ROBO2: variants seen among roughly 807,000 people sequenced by gnomAD.
ROBO2 encodes roundabout guidance receptor 2, also known as roundabout homolog 2.
ROBO2 carries 53 observed loss-of-function variants against 160.8 expected under a neutral mutation model. The ratio of observed to expected loss-of-function variants is 0.33; its 90% confidence interval spans 0.26 to 0.41. The LOEUF (loss-of-function observed/expected upper bound fraction) is 0.41. Among genes scored for constraint, ROBO2 ranks in the 10% least tolerant of loss-of-function variants. The probability of loss-of-function intolerance (pLI) is 1.00; values close to 1 mark genes in which losing one functional copy is unlikely to be tolerated. For missense variants in ROBO2, 1,577 were observed against 1,722.4 expected (o/e 0.92, Z 1.49); for synonymous variants, 664 against 611.7 (o/e 1.09, Z -1.26).
intron 2 of ROBO2, among the ~76,000 whole-genome samples, chr3:76,311,743 T>A (rs908864784): frequency 9.9e-5 from 15 of 152,188 alleles, no homozygotes. Flanking sequence ...TTAAAAGAAA[T>A]GGGTTCTGAA....
At chr3:76,016,313 T>C (rs1278395847) in intron 2 of ROBO2, among the ~76,000 whole-genome samples, 1 of 152,012 alleles carries the variant, frequency 6.6e-6, no homozygotes, top group East Asian at 1.9e-4. Flanking sequence ...AGAAGTGTGA[T>C]ATCGAAGCTC....
intron 2 of ROBO2, among the ~76,000 whole-genome samples, chr3:76,781,572 A>T (rs1325334806): frequency 2.7e-5 from 4 of 150,704 alleles, no homozygotes; most frequent in Non-Finnish European, 6.0e-5. Flanking sequence ...TTTCTTCTAT[A>T]CCTAATATGT....
At chr3:75,927,982 T>C (rs398040407) in intron 1 of ROBO2, among the ~76,000 whole-genome samples, 52,089 of 97,304 alleles carry the variant, frequency 0.54, 11,330 homozygotes, top group Non-Finnish European at 0.62. Flanking sequence ...CTCTCTTTTT[T>C]TTTTTTTTTT....
intron 2 of ROBO2, among the ~76,000 whole-genome samples, chr3:76,262,779 C>A (rs1576157229): frequency 6.6e-6 from 1 of 152,058 alleles, no homozygotes; most frequent in African/African-American, 2.4e-5. Flanking sequence ...GAAATGTAAC[C>A]AGATCAAGTT....
Position 75,957,348 on chromosome 3 carries a change from CT to C in ROBO2, c.109+19747del, listed in dbSNP as rs1473017173. Among the ~76,000 whole-genome samples, 3 of 151,182 alleles carry C rather than the reference CT, an allele frequency of 2.0e-5. No individual in the cohort carries two copies. The Admixed American group carries it at 2.0e-4, about 10-fold the overall frequency. ...CTAATAACCATATCAATTTATGAAA[CT>C]CATTTTGAGAAAAAAAGGCCTAAAA... On this transcript the variant is annotated intron_variant, in intron 2 of 26. Transcript: ENST00000487694.
At chr3:77,587,369 T>C (rs1337179068) in intron 16 of ROBO2, among the ~76,000 whole-genome samples, 1 of 152,080 alleles carries the variant, frequency 6.6e-6, no homozygotes, top group Non-Finnish European at 1.5e-5. Flanking sequence ...TAGGCTAATT[T>C]TCTGCCTTGG....
At chr3:76,316,377 TAGG>T (rs1400526120) in intron 2 of ROBO2, among the ~76,000 whole-genome samples, 1 of 152,126 alleles carries the variant, frequency 6.6e-6, no homozygotes, top group East Asian at 1.9e-4. Flanking sequence ...TAATCCTTGC[TAGG>T]AGAAGAATTT....
rs2095235778 is a variant in ROBO2 at position 77,634,842 on chromosome 3, G to T, written c.3761-28G>T. On this transcript the variant is annotated intron_variant, in intron 23 of 25. Transcript: ENST00000461745. ...CAGTGTGCTATAATGTCATTCTCTA[G>T]AACCCATTCCCTTTATTTTCATTTT... 3 of 1,609,310 alleles carry T rather than the reference G, an allele frequency of 1.9e-6. No homozygotes were observed. In the South Asian group the frequency reaches 3.3e-5, roughly 18 times the overall value.
At chr3:76,272,646 G>A (rs1707507950) in intron 2 of ROBO2, among the ~76,000 whole-genome samples, 1 of 87,516 alleles carries the variant, frequency 1.1e-5, no homozygotes, top group Non-Finnish European at 3.0e-5. Context: ...CTGGGCGAAA[G>A]AGCGAGACCC....
At chr3:76,775,546 C>T (rs2062193718) in intron 2 of ROBO2, among the ~76,000 whole-genome samples, 2 of 150,776 alleles carry the variant, frequency 1.3e-5, no homozygotes, top group African/African-American at 4.8e-5. Flanking sequence ...ACTTGCTGTA[C>T]TTAGCAATGA....
At chr3:76,853,118 A>G (rs984065704) in intron 2 of ROBO2, among the ~76,000 whole-genome samples, 1 of 152,078 alleles carries the variant, frequency 6.6e-6, no homozygotes, top group Non-Finnish European at 1.5e-5. Flanking sequence ...TCTAAAGCAC[A>G]TACTTTCCAT....
At chr3:76,518,115 G>A (rs2081428056) in intron 2 of ROBO2, among the ~76,000 whole-genome samples, 1 of 152,100 alleles carries the variant, frequency 6.6e-6, no homozygotes, top group Non-Finnish European at 1.5e-5. Context: ...GTGTCAGTTA[G>A]ATATTGTCCA....
intron 2 of ROBO2, among the ~76,000 whole-genome samples, chr3:77,386,173 A>G (rs1446479863): frequency 6.6e-6 from 1 of 152,196 alleles, no homozygotes; most frequent in Non-Finnish European, 1.5e-5. Context: ...AGTGCATATT[A>G]ATATTATCTC....
chr3:77,607,758 G>A, intron 20 of ROBO2, 40 bp from the exon 22 acceptor site: 1 of 1,585,022 alleles, frequency 6.3e-7, no homozygotes, highest in Non-Finnish European at 8.7e-7. Flanking sequence ...TCTTTATTCT[G>A]CTATTTGGCA....
At chr3:76,749,265 AT>A (rs545585261) in intron 2 of ROBO2, among the ~76,000 whole-genome samples, 11 of 151,272 alleles carry the variant, frequency 7.3e-5, no homozygotes, top group Non-Finnish European at 1.2e-4. Flanking sequence ...AAAAAATAGA[AT>A]TTTTTTTTCA....
chr3:76,573,810 T>A (rs1413162106), intron 2 of ROBO2, among the ~76,000 whole-genome samples: 1 of 152,096 alleles, frequency 6.6e-6, no homozygotes, highest in Admixed American at 6.6e-5. Flanking sequence ...TTTGGAATGA[T>A]CCACCGCATG....
At chr3:76,204,404 T>C (rs2107276078) in intron 2 of ROBO2, among the ~76,000 whole-genome samples, 1 of 152,310 alleles carries the variant, frequency 6.6e-6, no homozygotes, top group South Asian at 2.1e-4. Context: ...CTTACAGGTT[T>C]GAATTATAGT....
intron 2 of ROBO2, among the ~76,000 whole-genome samples, chr3:77,308,862 T>C (rs62251210): frequency 0.054 from 8,269 of 152,224 alleles, 707 homozygotes; most frequent in African/African-American, 0.18. Flanking sequence ...TATAGATACA[T>C]GTATAGAAAA....
intron 5 of ROBO2, among the ~76,000 whole-genome samples, chr3:77,519,398 T>A (rs561384853): frequency 7.3e-4 from 110 of 151,456 alleles, no homozygotes; most frequent in Non-Finnish European, 1.4e-3. Flanking sequence ...ATGTAAAGGT[T>A]TGTGACATGG....
Sources: gnomAD v4.1 joint callset for allele counts (sites outside exome capture counted in the v4.1 genomes callset) on GRCh38, gnomAD v4.1.1 for gene constraint, MANE v1.5 for transcripts, NCBI Gene and HGNC (gene_info 2026-07-23, HGNC 2026-07-21) for gene names.